The following DMXL1 variants were observed in gnomAD, a reference collection of about 807,000 sequenced individuals.
DMXL1 encodes the protein Dmx like 1, also known as dmX-like protein 1.
DMXL1 carries 99 observed loss-of-function variants against 319.2 expected under a neutral mutation model. That is an observed-to-expected ratio of 0.31 (90% confidence interval 0.26 to 0.37). DMXL1 has a LOEUF of 0.37. Ranked by LOEUF, DMXL1 falls within the 10% of genes least tolerant of loss-of-function variation. The pLI is 1.00. For synonymous variants in DMXL1, 1,385 were observed against 1,235.2 expected, an observed-to-expected ratio of 1.12 and a Z score of -2.54; for missense variants, 3,745 against 3,595.6, an observed-to-expected ratio of 1.04 and a Z score of -1.06.
chr5:119,127,264 A>G, intron 9 of DMXL1: 1 of 222,404 alleles, frequency 4.5e-6, no homozygotes, highest in Non-Finnish European at 9.5e-6. Context: ...CACCCTTAGG[A>G]TACTGCCTTC....
chr5:119,125,535 T>G (rs1455849384), intron 9 of DMXL1, among the ~76,000 whole-genome samples: 2 of 152,060 alleles, frequency 1.3e-5, no homozygotes, highest in African/African-American at 4.8e-5. Context: ...AAATGTGGAT[T>G]TTGTGTGTGT....
At chr5:119,146,022 A>C (rs1359601736) in intron 15 of DMXL1, among the ~76,000 whole-genome samples, 1 of 151,728 alleles carries the variant, frequency 6.6e-6, no homozygotes, top group Non-Finnish European at 1.5e-5. Flanking sequence ...TACATTACCA[A>C]AGTTACCTTT....
chr5:119,218,234 T>G (rs1226912279), intron 35 of DMXL1, among the ~76,000 whole-genome samples: 1 of 152,026 alleles, frequency 6.6e-6, no homozygotes, highest in African/African-American at 2.4e-5. Flanking sequence ...TATCTATACC[T>G]GCATTACCTG....
intron 3 of DMXL1, among the ~76,000 whole-genome samples, chr5:119,103,188 T>G (rs924567557): frequency 2.0e-5 from 3 of 152,146 alleles, no homozygotes; most frequent in Non-Finnish European, 4.4e-5. Flanking sequence ...AAGTCAGCCT[T>G]AAGAAATTCT....
chr5:119,221,892 G>A (rs1399140175), intron 37 of DMXL1, among the ~76,000 whole-genome samples: 1 of 150,936 alleles, frequency 6.6e-6, no homozygotes, highest in Non-Finnish European at 1.5e-5. Flanking sequence ...ATCTTTTTTA[G>A]CCCTGATTAC....
At chr5:119,194,177 G>A (rs781712990) in intron 30 of DMXL1, among the ~76,000 whole-genome samples, 10 of 151,626 alleles carry the variant, frequency 6.6e-5, no homozygotes, top group Non-Finnish European at 1.2e-4. Flanking sequence ...GATTTCTTTA[G>A]TTGAAATTGT....
At chr5:119,182,513 T>C (rs886718676) in intron 28 of DMXL1, among the ~76,000 whole-genome samples, 5 of 152,164 alleles carry the variant, frequency 3.3e-5, no homozygotes, top group African/African-American at 1.2e-4. Flanking sequence ...TGTTATAAAT[T>C]TGGATTTAAA....
chr5:119,165,243 G>T lies in DMXL1; in HGVS notation c.4933G>T (p.Ala1645Ser). The change falls in exon 21 of 44, where the codon GCA becomes TCA. Residue 1645 changes from alanine to serine, a missense_variant. Around this residue, in one of 4 missense-constraint regions of DMXL1, gnomAD observed 2,096 missense variants for 1,985.4 expected, o/e 1.06. Coordinates refer to ENST00000539542, the MANE Select transcript of DMXL1 (RefSeq NM_001290321.3). The part of the protein sequence containing the change: ...DPLDAAIFYL[A>S]MKKKAVIWGL... ...TTTAGATGCTGCCATTTTTTACCTT[G>T]CAATGAAAAAGAAAGCTGTGATTTG... The T allele has an allele frequency of 6.3e-7, 1 of 1,594,134 alleles. No individual in the cohort carries two copies.
intron 9 of DMXL1, among the ~76,000 whole-genome samples, chr5:119,122,666 G>T (rs1459118511): frequency 6.6e-6 from 1 of 151,454 alleles, no homozygotes; most frequent in Non-Finnish European, 1.5e-5. Flanking sequence ...TCCCAGACGG[G>T]GTCGCTGCCG....
At chr5:119,204,022 CTGTGTTAGCCAGGA>C (rs1234064520) in intron 33 of DMXL1, among the ~76,000 whole-genome samples, 1 of 152,018 alleles carries the variant, frequency 6.6e-6, no homozygotes, top group East Asian at 1.9e-4. Flanking sequence ...CGGGGTTTCA[CTGTGTTAGCCAGGA>C]TGGTCTCGAT....
chr5:119,230,640 T>C (rs747105578), intron 38 of DMXL1, among the ~76,000 whole-genome samples: 28 of 152,184 alleles, frequency 1.8e-4, no homozygotes, highest in Non-Finnish European at 2.9e-4. Flanking sequence ...CCCAGCACTT[T>C]GGGAGGCCAA....
chr5:119,195,004 G>C (rs1779357269), intron 30 of DMXL1, among the ~76,000 whole-genome samples: 1 of 151,842 alleles, frequency 6.6e-6, no homozygotes, highest in Non-Finnish European at 1.5e-5. Flanking sequence ...TTAATCATTA[G>C]AGAAATGCAG....
At chr5:119,114,963 C>T (rs1002746185) in intron 6 of DMXL1, among the ~76,000 whole-genome samples, 6 of 152,160 alleles carry the variant, frequency 3.9e-5, no homozygotes, top group Admixed American at 1.3e-4. Flanking sequence ...CCACCATGCC[C>T]GGCCATTAAA....
At chr5:119,128,419 G>T in intron 9 of DMXL1, 1 of 203,434 alleles carries the variant, frequency 4.9e-6, no homozygotes, top group Non-Finnish European at 1.0e-5. Context: ...TCTCTCCTCA[G>T]CAGCAGATCT....
chr5:119,122,191 T>C (rs1762268116), intron 9 of DMXL1, among the ~76,000 whole-genome samples: 1 of 123,230 alleles, frequency 8.1e-6, no homozygotes, highest in African/African-American at 3.1e-5. Flanking sequence ...GAGTGGCTCC[T>C]CACTTCCCAG....
intron 18 of DMXL1, among the ~76,000 whole-genome samples, chr5:119,151,292 A>G (rs1184368228): frequency 6.6e-6 from 1 of 152,272 alleles, no homozygotes; most frequent in South Asian, 2.1e-4. Context: ...AAGTTCTGAA[A>G]TGAACAAATT....
chr5:119,226,702 G>T (rs558619883), intron 38 of DMXL1, among the ~76,000 whole-genome samples: 1 of 152,222 alleles, frequency 6.6e-6, no homozygotes, highest in African/African-American at 2.4e-5. Context: ...GACACCACTC[G>T]CAGGTTATCA....
At chr5:119,179,223 G>A (rs932375448) in intron 28 of DMXL1, among the ~76,000 whole-genome samples, 1 of 149,978 alleles carries the variant, frequency 6.7e-6, no homozygotes, top group African/African-American at 2.5e-5. Context: ...ATGAGGAGTA[G>A]CTTTATTTTT....
chr5:119,089,951 T>C (rs1053401579), intron 1 of DMXL1, among the ~76,000 whole-genome samples: 18 of 150,192 alleles, frequency 1.2e-4, no homozygotes, highest in African/African-American at 2.9e-4. Flanking sequence ...GGATTTTCTC[T>C]TTGTCCTTGA....
Sources: gnomAD v4.1 joint callset for allele counts (sites outside exome capture counted in the v4.1 genomes callset) on GRCh38, gnomAD v4.1.1 for gene constraint, gnomAD v4.1.1 regional missense constraint, MANE v1.5 for transcripts, NCBI Gene and HGNC (gene_info 2026-07-23, HGNC 2026-07-21) for gene names.